Variants in OSBPL1A observed in about 807,000 individuals in gnomAD.
OSBPL1A encodes oxysterol binding protein like 1A.
A neutral mutation model predicts 137.1 loss-of-function variants in OSBPL1A; 80 were observed. The ratio of observed to expected loss-of-function variants is 0.58; its 90% CI spans 0.49 to 0.70. OSBPL1A has a LOEUF of 0.70. Ranked by LOEUF, OSBPL1A falls within the 30% of genes least tolerant of loss-of-function variation. The pLI is 0.00. For missense variants in OSBPL1A, 970 were observed against 1,129.4 expected, an observed-to-expected ratio of 0.86 and a Z score of 2.02; for synonymous variants, 365 against 389.7, an observed-to-expected ratio of 0.94 and a Z score of 0.75.
intron 13 of OSBPL1A, among the ~76,000 whole-genome samples, chr18:24,303,985 T>C (rs545790345): frequency 1.5e-4 from 23 of 152,208 alleles, no homozygotes; most frequent in Non-Finnish European, 2.9e-5. Context: ...CATCCATTAC[T>C]ATTACTATCT....
At position 24,280,844 on chromosome 18, in the gene OSBPL1A, C is replaced by CT. The variant is rs2089941513; in HGVS notation, c.1278dup (p.Gly427ArgfsTer6). On this transcript the variant is annotated frameshift_variant, in exon 15 of 28. Transcript: ENST00000319481. LOFTEE classifies it high-confidence loss of function. ...AAATTCAATTCTGAACTACCTACCC[C>CT]TTCTTGTTTGGTGAAGAGATTAAGG... The CT allele has an allele frequency of 6.3e-7, 1 of 1,579,660 alleles. No individual in the cohort carries two copies. The highest frequency in any genetic ancestry group is 2.3e-5 in the East Asian group (1 of 43,546).
At chr18:24,317,831 GC>G (rs1160239663) in intron 9 of OSBPL1A, among the ~76,000 whole-genome samples, 5 of 152,130 alleles carry the variant, frequency 3.3e-5, no homozygotes, top group Non-Finnish European at 7.4e-5. Flanking sequence ...GAAATTATGT[GC>G]TCTTCAAGGT....
intron 2 of OSBPL1A, among the ~76,000 whole-genome samples, chr18:24,371,648 C>T (rs575093948): frequency 6.6e-6 from 1 of 152,182 alleles, no homozygotes; most frequent in Non-Finnish European, 1.5e-5. Context: ...CTACTCTGTG[C>T]TCCCTGGCAG....
chr18:24,371,365 T>C (rs1025718317), intron 2 of OSBPL1A, among the ~76,000 whole-genome samples: 2 of 152,116 alleles, frequency 1.3e-5, no homozygotes, highest in African/African-American at 4.8e-5. Flanking sequence ...GCAAATGACA[T>C]ATTCAGCTTC....
intron 13 of OSBPL1A, among the ~76,000 whole-genome samples, chr18:24,308,395 T>A (rs1445455195): frequency 4.2e-5 from 6 of 143,556 alleles, no homozygotes; most frequent in Admixed American, 2.0e-4. Context: ...AAAAAAAAAA[T>A]TTGTTTTTAA....
At position 24,282,600 on chromosome 18, in the gene OSBPL1A, C is replaced by CAT. The variant is rs1357801152; in HGVS notation, c.1175-1654_1175-1653dup. 6.6e-5 allele frequency among the ~76,000 whole-genome samples: 10 copies of CAT among 152,264 alleles called. No homozygotes were observed. The East Asian group carries it at 1.7e-3, about 26-fold the overall frequency. On this transcript the variant is annotated intron_variant, in intron 14 of 27. Transcript: ENST00000319481. Reference sequence around the variant, plus strand: ...ATTGACAAGAGGAAGGTGCAAAGTGCATATATATCACTTAAAAACAAGTAA... The same window carrying CAT: ...ATTGACAAGAGGAAGGTGCAAAGTGCATATATATATCACTTAAAAACAAGTAA...
intron 15 of OSBPL1A, among the ~76,000 whole-genome samples, chr18:24,259,084 CT>C (rs1318886416): frequency 1.3e-5 from 2 of 151,910 alleles, no homozygotes; most frequent in Non-Finnish European, 2.9e-5. Flanking sequence ...CTACGCCCAG[CT>C]AATTTTTTTA....
intron 5 of OSBPL1A, among the ~76,000 whole-genome samples, chr18:24,340,790 G>T (rs902447781): frequency 6.6e-6 from 1 of 152,150 alleles, no homozygotes; most frequent in East Asian, 1.9e-4. Flanking sequence ...TGGGCAAAAA[G>T]AAAACTGAGG....
At chr18:24,317,503 G>A in intron 9 of OSBPL1A, 103 bp from the exon 10 acceptor site, 1 of 891,290 alleles carries the variant, frequency 1.1e-6, no homozygotes, top group East Asian at 2.5e-5. Context: ...TGAGTCTTTA[G>A]ACAGTAGCAC....
chr18:24,367,079 G>T, intron 3 of OSBPL1A, 113 bp from the exon 4 acceptor site: 1 of 786,492 alleles, frequency 1.3e-6, no homozygotes, highest in Non-Finnish European at 1.8e-6. Context: ...TTAGGTGTCA[G>T]TACTAACAAT....
At chr18:24,273,095 C>A (rs185287336) in intron 15 of OSBPL1A, among the ~76,000 whole-genome samples, 2 of 151,964 alleles carry the variant, frequency 1.3e-5, no homozygotes, top group Non-Finnish European at 2.9e-5. Context: ...TTAGTAGAGA[C>A]GGGGGTTTTG....
At chr18:24,169,601 G>A (rs2086226421) in intron 24 of OSBPL1A, among the ~76,000 whole-genome samples, 1 of 152,214 alleles carries the variant, frequency 6.6e-6, no homozygotes, top group African/African-American at 2.4e-5. Context: ...ATCTCGGCTT[G>A]TACTGCTCAT....
intron 4 of OSBPL1A, chr18:24,357,497 G>C (rs745986154): frequency 6.6e-6 from 1 of 152,158 alleles, no homozygotes; most frequent in Non-Finnish European, 1.5e-5. Context: ...GAATTTCCTT[G>C]TGAGCAAAAT....
At chr18:24,210,994 C>A (rs983027027) in intron 17 of OSBPL1A, among the ~76,000 whole-genome samples, 1 of 151,792 alleles carries the variant, frequency 6.6e-6, no homozygotes, top group Non-Finnish European at 1.5e-5. Flanking sequence ...GAGACGGAGT[C>A]TCGCTCTGTC....
At chr18:24,224,535 T>C (rs915921589) in intron 17 of OSBPL1A, among the ~76,000 whole-genome samples, 3 of 152,152 alleles carry the variant, frequency 2.0e-5, no homozygotes, top group African/African-American at 7.2e-5. Context: ...GATAAAAACA[T>C]ACTAATGTTA....
intron 4 of OSBPL1A, among the ~76,000 whole-genome samples, chr18:24,350,068 C>T (rs139801231): frequency 6.5e-4 from 99 of 152,268 alleles, no homozygotes; most frequent in Middle Eastern, 3.4e-3. Context: ...TTTTTTAGCT[C>T]GGCATATGGC....
intron 17 of OSBPL1A, among the ~76,000 whole-genome samples, chr18:24,213,610 T>C (rs1018849054): frequency 2.6e-5 from 4 of 152,202 alleles, no homozygotes; most frequent in Non-Finnish European, 5.9e-5. Context: ...TTATCTGATA[T>C]TACTATTTAA....
At chr18:24,374,289 G>A (rs183082181) in intron 2 of OSBPL1A, among the ~76,000 whole-genome samples, 19 of 152,286 alleles carry the variant, frequency 1.2e-4, no homozygotes, top group African/African-American at 4.3e-4. Context: ...TCCCCACTGA[G>A]GGTGAGGTCA....
At chr18:24,182,522 T>C (rs2086634358) in intron 18 of OSBPL1A, among the ~76,000 whole-genome samples, 4 of 152,060 alleles carry the variant, frequency 2.6e-5, no homozygotes, top group Admixed American at 2.6e-4. Context: ...CTCTGACTTT[T>C]CCCCCTAAAT....
Sources: gnomAD v4.1 joint callset for allele counts (sites outside exome capture counted in the v4.1 genomes callset) on GRCh38, gnomAD v4.1.1 for gene constraint, MANE v1.5 for transcripts, NCBI Gene and HGNC (gene_info 2026-07-23, HGNC 2026-07-21) for gene names.